The following TMEM132B variants were observed in gnomAD, a reference collection of about 807,000 sequenced individuals.
TMEM132B encodes transmembrane protein 132B.
TMEM132B carries 18 observed loss-of-function variants against 90.8 expected under a neutral mutation model. That is an observed-to-expected ratio of 0.20 (90% CI 0.14 to 0.29). TMEM132B has a LOEUF of 0.29. Among genes scored for constraint, TMEM132B ranks in the 10% least tolerant of loss-of-function variants. The pLI is 1.00. For synonymous variants in TMEM132B, 504 were observed against 523.3 expected (o/e 0.96, Z 0.50); for missense variants, 1,096 against 1,326.8 (o/e 0.83, Z 2.70).
rs147577210 is a variant in TMEM132B at position 125,418,208 on chromosome 12, C to T, written c.1106+2531C>T. On this transcript the variant is annotated intron_variant, in intron 3 of 8. Coordinates refer to ENST00000682704, the MANE Select transcript of TMEM132B (RefSeq NM_001366854.1). ...TTAAATTGAAGAGCAACCTGGGCCACGGCTATCACTTTTTGGTTCTGTGAG... is the reference window on the plus strand; with the variant it reads ...TTAAATTGAAGAGCAACCTGGGCCATGGCTATCACTTTTTGGTTCTGTGAG... Among the ~76,000 whole-genome samples the T allele has an allele frequency of 1.5e-3, 230 of 152,170 alleles. 1 individual carries two copies. The highest frequency in any genetic ancestry group is 5.3e-3 in the African/African-American group (218 of 41,494).
intron 1 of TMEM132B, among the ~76,000 whole-genome samples, chr12:125,192,437 G>T (rs1872820742): frequency 6.6e-6 from 1 of 151,782 alleles, no homozygotes; most frequent in Non-Finnish European, 1.5e-5. Context: ...GGAGAGTTGG[G>T]TTTTTTGTGA....
intron 1 of TMEM132B, among the ~76,000 whole-genome samples, chr12:125,310,747 C>G (rs188420848): frequency 2.6e-5 from 4 of 152,282 alleles, no homozygotes; most frequent in Admixed American, 2.0e-4. Flanking sequence ...AACACCCCCA[C>G]GGTAGTTCTG....
intron 3 of TMEM132B, among the ~76,000 whole-genome samples, chr12:125,467,914 T>C (rs1259349347): frequency 1.3e-5 from 2 of 152,244 alleles, no homozygotes; most frequent in Non-Finnish European, 2.9e-5. Flanking sequence ...AGGTTCATAA[T>C]ATTTTCTCAT....
intron 1 of TMEM132B, among the ~76,000 whole-genome samples, chr12:125,348,601 C>T (rs1401659057): frequency 6.6e-6 from 1 of 151,580 alleles, no homozygotes; most frequent in African/African-American, 2.4e-5. Flanking sequence ...TCCCAACGTG[C>T]TGGGATTACA....
chr12:125,478,021 G>C (rs1473914404), intron 3 of TMEM132B, among the ~76,000 whole-genome samples: 1 of 152,202 alleles, frequency 6.6e-6, no homozygotes, highest in African/African-American at 2.4e-5. Flanking sequence ...GCAGCTGAGG[G>C]ACCTGATTGT....
At chr12:125,404,219 C>A (rs1879400357) in intron 2 of TMEM132B, among the ~76,000 whole-genome samples, 1 of 152,070 alleles carries the variant, frequency 6.6e-6, no homozygotes, top group Admixed American at 6.5e-5. Flanking sequence ...TATGACATGT[C>A]CAGAATTTGT....
intron 4 of TMEM132B, among the ~76,000 whole-genome samples, chr12:125,568,376 T>G (rs943084018): frequency 6.6e-6 from 1 of 152,188 alleles, no homozygotes; most frequent in African/African-American, 2.4e-5. Flanking sequence ...CAGCACTTCT[T>G]CCTTGTCTTC....
intron 1 of TMEM132B, among the ~76,000 whole-genome samples, chr12:125,331,933 T>C (rs1876788768): frequency 6.6e-6 from 1 of 151,784 alleles, no homozygotes; most frequent in Non-Finnish European, 1.5e-5. Flanking sequence ...TTTATTTACA[T>C]TTTTTTTGTA....
rs957611333 is a variant in TMEM132B, at chr12:125,660,941, C to T, written c.*6231C>T. On this transcript the variant is annotated 3_prime_UTR_variant, in exon 9 of 9. Coordinates refer to ENST00000682704, the MANE Select transcript of TMEM132B (RefSeq NM_001366854.1). ...AAGCACTTTACAGAGAGATGGATGC[C>T]GCTTTGGGATTTGGGGTCTATGTAA... 6.6e-6 allele frequency: 1 copy of T among 152,108 alleles called. No homozygotes were observed. 9.4% of individuals were successfully genotyped at this position (152,108 alleles called of 1,614,324 possible).
At chr12:125,241,111 G>A (rs1037855511) in intron 1 of TMEM132B, among the ~76,000 whole-genome samples, 12 of 152,096 alleles carry the variant, frequency 7.9e-5, no homozygotes, top group Non-Finnish European at 1.5e-4. Context: ...AATGCATATC[G>A]TAAAATACAG....
intron 4 of TMEM132B, among the ~76,000 whole-genome samples, chr12:125,571,093 T>C: frequency 6.6e-6 from 1 of 152,228 alleles, no homozygotes; most frequent in African/African-American, 2.4e-5. Context: ...GAAAGCTTTC[T>C]TTTGAGCTGG....
At chr12:125,190,246 A>G (rs1957789012) in intron 1 of TMEM132B, among the ~76,000 whole-genome samples, 1 of 152,192 alleles carries the variant, frequency 6.6e-6, no homozygotes, top group Admixed American at 6.5e-5. Flanking sequence ...GAGTTCTACC[A>G]TACAGTCCTT....
Position 125,415,399 on chromosome 12 carries a change from C to A in TMEM132B, c.960-132C>A. 2 of 1,170,386 alleles carry A rather than the reference C, an allele frequency of 1.7e-6. No homozygotes were observed. The highest frequency in any genetic ancestry group is 2.4e-6 in the Non-Finnish European group (2 of 847,682). 72.5% of individuals were successfully genotyped at this position (1,170,386 alleles called of 1,614,324 possible). On this transcript the variant is annotated intron_variant, in intron 2 of 8. Coordinates refer to ENST00000682704, the MANE Select transcript of TMEM132B (RefSeq NM_001366854.1). This position sits in a 1 kb window ranked among gnomAD's most constrained non-coding sequence, Gnocchi z 5.3. ...AAAGCCACTTGCCACCACTCTCCCC[C>A]ACATCTCCCAGAGGAAGGGGGCGAT...
chr12:125,435,985 G>A (rs988772730), intron 3 of TMEM132B, among the ~76,000 whole-genome samples: 8 of 152,114 alleles, frequency 5.3e-5, no homozygotes, highest in African/African-American at 1.9e-4. Flanking sequence ...CCACAGGGAG[G>A]TCCTCTGCTT....
At chr12:125,391,210 A>G (rs555494094) in intron 2 of TMEM132B, among the ~76,000 whole-genome samples, 8 of 152,306 alleles carry the variant, frequency 5.3e-5, no homozygotes, top group African/African-American at 1.9e-4. Flanking sequence ...ATGCCTTCAC[A>G]GAGTGCCCTC....
intron 3 of TMEM132B, among the ~76,000 whole-genome samples, chr12:125,447,781 T>C (rs1043206660): frequency 5.3e-5 from 8 of 152,226 alleles, no homozygotes; most frequent in African/African-American, 1.9e-4. Flanking sequence ...GAAATCTAAG[T>C]TGGCAGTTAT....
chr12:125,541,694 A>G (rs1418797470), intron 4 of TMEM132B, among the ~76,000 whole-genome samples: 1 of 151,924 alleles, frequency 6.6e-6, no homozygotes, highest in African/African-American at 2.4e-5. Flanking sequence ...GGGAGGAGAC[A>G]TAGACAGATG....
intron 3 of TMEM132B, among the ~76,000 whole-genome samples, chr12:125,446,708 A>G (rs79830795): frequency 0.033 from 5,021 of 152,284 alleles, 153 homozygotes; most frequent in Admixed American, 0.1. Context: ...CTCCAGTTCA[A>G]GTCATATTCA....
chr12:125,261,397 C>G (rs1264912898), intron 1 of TMEM132B, among the ~76,000 whole-genome samples: 3 of 152,054 alleles, frequency 2.0e-5, no homozygotes, highest in African/African-American at 4.8e-5. Context: ...GACTGTGTAC[C>G]AGGTGGTCTT....
Sources: gnomAD v4.1 joint callset for allele counts (sites outside exome capture counted in the v4.1 genomes callset) on GRCh38, gnomAD v4.1.1 for gene constraint, Gnocchi (gnomAD v3.1) non-coding constraint, MANE v1.5 for transcripts, NCBI Gene and HGNC (gene_info 2026-07-23, HGNC 2026-07-21) for gene names.